The following SPG11 variants were observed in gnomAD, a reference collection of about 807,000 sequenced individuals.
SPG11 encodes the protein spatacsin.
Under a neutral mutation model 274.0 loss-of-function variants are expected in SPG11, and 222 were observed. The ratio of observed to expected loss-of-function variants is 0.81; its 90% CI spans 0.73 to 0.91. The LOEUF (loss-of-function observed/expected upper bound fraction) is 0.91. Among genes scored for constraint, SPG11 ranks in the 40% least tolerant of loss-of-function variants. The probability of loss-of-function intolerance (pLI) is 0.00; values close to 1 mark genes in which losing one functional copy is unlikely to be tolerated. For synonymous variants in SPG11, 1,144 were observed against 1,039.7 expected, an observed-to-expected ratio of 1.10 and a Z score of -1.93; for missense variants, 3,114 against 2,872.7, an observed-to-expected ratio of 1.08 and a Z score of -1.92.
At chr15:44,573,842 T>C in intron 31 of SPG11, 97 bp from the exon 32 acceptor site, 1 of 1,149,568 alleles carries the variant, frequency 8.7e-7, no homozygotes. Context: ...CTCCACTGTA[T>C]TCTGAGCTTA....
At position 44,621,843 on chromosome 15, in the gene SPG11, C is replaced by A. The variant is rs1246725414; in HGVS notation, c.2536G>T (p.Asp846Tyr). The A allele has an allele frequency of 6.2e-7, 1 of 1,613,602 alleles. No homozygotes were observed. The highest frequency in any genetic ancestry group is 8.5e-7 in the Non-Finnish European group (1 of 1,179,662). The change falls in exon 14 of 40, where the codon GAC becomes TAC. Residue 846 changes from aspartate (D) to tyrosine (Y), a missense_variant. Physicochemically the swap from Asp to Tyr is radical, Grantham distance 160. Transcript: ENST00000261866. ...GCCCAATTTAACACAATTCTATGGT[C>A]CTGTTTGTTAAATTCATCTTTACAA... ...YDCKDEFNKQ[D>Y]HRIVLNWALW... is the part of the protein sequence containing the mutation.
Position 44,565,930 on chromosome 15 carries a change from C to A in SPG11, c.6923G>T (p.Gly2308Val), listed in dbSNP as rs149226233. The change falls in exon 38 of 40, where the codon GGC becomes GTC. Residue 2308 changes from glycine to valine, a missense_variant. Physicochemically the swap from Gly to Val is moderately radical, Grantham distance 109. Transcript: ENST00000261866. ...ITLQIHFLNT[G>V]QNTMLINLGR... The stretch of plus-strand genomic sequence containing the variant: ...CAAGTTGATGAGCATTGTGTTCTGG[C>A]CAGTGTTCAGAAAGTGAATCTGCAG... The A allele has an allele frequency of 1.2e-6, 2 of 1,613,578 alleles. No individual in the cohort carries two copies. The highest frequency in any genetic ancestry group is 2.7e-5 in the African/African-American group (2 of 74,842).
intron 9 of SPG11, 88 bp from the exon 10 acceptor site, chr15:44,628,932 A>G (rs917510275): frequency 1.5e-6 from 2 of 1,339,234 alleles, no homozygotes; most frequent in African/African-American, 2.9e-5. Flanking sequence ...GAAAGTCAAA[A>G]TTCAAACTTG....
intron 4 of SPG11, among the ~76,000 whole-genome samples, chr15:44,656,158 GAGA>G (rs1279478258): frequency 1.3e-5 from 2 of 152,146 alleles, no homozygotes; most frequent in African/African-American, 4.8e-5. Context: ...GAGGAAAACA[GAGA>G]AGGTTTAAAA....
chr15:44,598,679 T>G lies in SPG11; in HGVS notation c.3844A>C (p.Lys1282Gln), dbSNP rs771832234. 6.2e-7 allele frequency: 1 copy of G among 1,614,116 alleles called. No homozygotes were observed. Among genetic ancestry groups the G allele is most frequent in the African/African-American group, 1.3e-5 (1 of 74,942 alleles). ...MKVANIILSYKCRNEDAQYSF... is the reference protein window; with the variant it reads ...MKVANIILSYQCRNEDAQYSF... ...TACTGAGCATCTTCATTTCTGCACT[T>G]GTAGCTCAAAATTATATTGGCCACT... is the stretch of plus-strand genomic sequence containing the variant. The change falls in exon 22 of 40, where the codon AAG becomes CAG. Residue 1282 changes from lysine to glutamine, a missense_variant. Physicochemically the swap from Lys to Gln is moderately conservative, Grantham distance 53. Coordinates refer to ENST00000261866, the MANE Select transcript of SPG11 (RefSeq NM_025137.4).
intron 28 of SPG11, among the ~76,000 whole-genome samples, chr15:44,587,693 C>CAAAAAAAAAAAAAAAAACA (rs2082798182): frequency 2.9e-5 from 1 of 34,054 alleles, no homozygotes; most frequent in African/African-American, 1.8e-4. Context: ...CAGACTGTCT[C>CAAAAAAAAAAAAAAAAACA]AAAAAAAAAA....
At chr15:44,635,516 G>C (rs1414566789) in intron 7 of SPG11, among the ~76,000 whole-genome samples, 1 of 147,752 alleles carries the variant, frequency 6.8e-6, no homozygotes, top group Non-Finnish European at 1.5e-5. Context: ...TGAGGCAGGA[G>C]GGTGTCTTGA....
At chr15:44,591,961 G>A (rs1436559567) in intron 27 of SPG11, among the ~76,000 whole-genome samples, 1 of 151,666 alleles carries the variant, frequency 6.6e-6, no homozygotes, top group Admixed American at 6.6e-5. Context: ...AATACAAAAC[G>A]TTAGCTGGGT....
At chr15:44,592,819 C>CAATA (rs540102077) in intron 26 of SPG11, among the ~76,000 whole-genome samples, 3,079 of 151,620 alleles carry the variant, frequency 0.02, 111 homozygotes, top group African/African-American at 0.067. Flanking sequence ...GACTCTGTCT[C>CAATA]AATAAATAAA....
At chr15:44,625,978 C>CTCA (rs1237952023) in intron 11 of SPG11, among the ~76,000 whole-genome samples, 3 of 152,208 alleles carry the variant, frequency 2.0e-5, no homozygotes, top group Non-Finnish European at 4.4e-5. Context: ...CCACGCCCGG[C>CTCA]TCAGGTACTT....
chr15:44,628,747 ATC>A lies in SPG11; in HGVS notation c.1987_1988del (p.Asp663CysfsTer4), dbSNP rs1226458437. The A allele has an allele frequency of 6.2e-7, 1 of 1,613,680 alleles. No individual in the cohort carries two copies. The highest frequency in any genetic ancestry group is 8.5e-7 in the Non-Finnish European group (1 of 1,179,802). ...FMIKFPWKLTDAIDEYDVHEN... is the reference protein window; with the variant it reads ...FMIKFPWKLTXAIDEYDVHEN... ...CATGTACATCATATTCATCTATAGC[ATC>A]TGTTAGCTTCCAAGGAAACTTTATC... On this transcript the variant is annotated frameshift_variant, in exon 10 of 40. Coordinates refer to ENST00000261866, the MANE Select transcript of SPG11 (RefSeq NM_025137.4). LOFTEE classifies it high-confidence loss of function.
chr15:44,582,376 C>T (rs2082673961), intron 30 of SPG11, among the ~76,000 whole-genome samples: 1 of 152,022 alleles, frequency 6.6e-6, no homozygotes, highest in African/African-American at 2.4e-5. Flanking sequence ...AGTGGAACCC[C>T]ATCTCTACTA....
intron 34 of SPG11, 86 bp downstream of exon 34, chr15:44,570,437 CTA>C: frequency 1.3e-6 from 2 of 1,563,390 alleles, no homozygotes; most frequent in African/African-American, 1.3e-5. Context: ...CCCCCTACGA[CTA>C]CATCAGCTCT....
chr15:44,567,174 A>AC (rs1369695917), intron 36 of SPG11, among the ~76,000 whole-genome samples: 1 of 151,556 alleles, frequency 6.6e-6, no homozygotes, highest in South Asian at 2.1e-4. Flanking sequence ...ACATAGTCAA[A>AC]CCCCATCTCT....
intron 15 of SPG11, among the ~76,000 whole-genome samples, chr15:44,617,577 C>T (rs747011021): frequency 4.6e-5 from 7 of 152,162 alleles, no homozygotes; most frequent in Admixed American, 6.5e-5. Context: ...TTCTCTACCC[C>T]GGCACCAATA....
intron 7 of SPG11, among the ~76,000 whole-genome samples, chr15:44,642,514 T>C (rs1030062322): frequency 2.0e-5 from 3 of 151,628 alleles, no homozygotes; most frequent in Non-Finnish European, 2.9e-5. Flanking sequence ...AATAGCATTA[T>C]TTGGGGATAC....
chr15:44,584,551 T>C lies in SPG11; in HGVS notation c.5129A>G (p.Gln1710Arg). The part of the protein sequence containing the change: ...VDNLVIKEIT[Q>R]EMQTLKHIEQ... ...AATGTGTTTTAGGGTCTGCATTTCCTGTGTTATCTGTGAAATTTAACAAAG... is the reference window on the plus strand; with the variant it reads ...AATGTGTTTTAGGGTCTGCATTTCCCGTGTTATCTGTGAAATTTAACAAAG... The change falls in exon 30 of 40, where the codon CAG becomes CGG. Residue 1710 changes from glutamine (Q) to arginine (R), a missense_variant. Gln to Arg is a conservative substitution (Grantham distance 43). Coordinates refer to ENST00000261866, the MANE Select transcript of SPG11 (RefSeq NM_025137.4). 2 of 1,608,880 alleles carry C rather than the reference T, an allele frequency of 1.2e-6. No homozygotes were observed. Among genetic ancestry groups the C allele is most frequent in the Non-Finnish European group, 1.7e-6 (2 of 1,179,996 alleles).
At chr15:44,622,152 TAAC>T in intron 13 of SPG11, 65 bp downstream of exon 13, 1 of 1,543,584 alleles carries the variant, frequency 6.5e-7, no homozygotes, top group Non-Finnish European at 8.9e-7. Context: ...TTGTGTTCAC[TAAC>T]AACTATAAAT....
chr15:44,650,824 T>C (rs901916454), intron 6 of SPG11, among the ~76,000 whole-genome samples: 2 of 152,016 alleles, frequency 1.3e-5, no homozygotes, highest in African/African-American at 4.8e-5. Flanking sequence ...CTCGGCTCAC[T>C]GCAACCTCCG....
Sources: gnomAD v4.1 joint callset for allele counts (sites outside exome capture counted in the v4.1 genomes callset) on GRCh38, gnomAD v4.1.1 for gene constraint, MANE v1.5 for transcripts, NCBI Gene and HGNC (gene_info 2026-07-23, HGNC 2026-07-21) for gene names.